The following RGS22 variants were observed in gnomAD, a reference collection of about 807,000 sequenced individuals.
RGS22 encodes regulator of G protein signaling 22.
Under a neutral mutation model 172.9 loss-of-function variants are expected in RGS22, and 148 were observed. That is an observed-to-expected ratio of 0.86 (90% CI 0.75 to 0.98). RGS22 has a LOEUF of 0.98. Among genes scored for constraint, RGS22 ranks in the 50% least tolerant of loss-of-function variants. The pLI, the probability that RGS22 is intolerant of heterozygous loss-of-function variation, is 0.00. For synonymous variants in RGS22, 458 were observed against 480.2 expected (o/e 0.95, Z 0.60); for missense variants, 1,347 against 1,440.8 (o/e 0.93, Z 1.05).
At chr8:99,976,835 T>C (rs1201691747) in intron 23 of RGS22, among the ~76,000 whole-genome samples, 1 of 152,246 alleles carries the variant, frequency 6.6e-6, no homozygotes, top group Non-Finnish European at 1.5e-5. Context: ...AGTGTTTATT[T>C]TGGCCTGCAC....
intron 14 of RGS22, among the ~76,000 whole-genome samples, chr8:100,033,641 T>C (rs117043553): frequency 0.011 from 1,702 of 149,480 alleles, 14 homozygotes; most frequent in Middle Eastern, 0.021. Flanking sequence ...TTCCAAACAA[T>C]AGAAACAGAG....
At chr8:100,039,757 A>G (rs1032965493) in intron 13 of RGS22, among the ~76,000 whole-genome samples, 5 of 151,978 alleles carry the variant, frequency 3.3e-5, no homozygotes, top group South Asian at 2.1e-4. Context: ...TGTTGCCACT[A>G]TTCAATGTAA....
At chr8:99,974,261 A>G (rs1811681002) in intron 23 of RGS22, among the ~76,000 whole-genome samples, 1 of 152,134 alleles carries the variant, frequency 6.6e-6, no homozygotes, top group Admixed American at 6.5e-5. Context: ...GTAACCCAAA[A>G]GTTTGGTGAT....
intron 10 of RGS22, among the ~76,000 whole-genome samples, chr8:100,047,968 G>T (rs887098812): frequency 7.9e-5 from 12 of 151,926 alleles, no homozygotes; most frequent in African/African-American, 2.9e-4. Context: ...GTACTGGGGG[G>T]GGGTGCGGGT....
intron 6 of RGS22, 119 bp downstream of exon 6, chr8:100,071,250 T>C: frequency 2.3e-6 from 2 of 852,136 alleles, no homozygotes; most frequent in East Asian, 5.9e-5. Context: ...ATCATATCAC[T>C]GCACTCCAGC....
At chr8:100,095,164 C>G (rs1001967040) in intron 2 of RGS22, among the ~76,000 whole-genome samples, 9 of 152,106 alleles carry the variant, frequency 5.9e-5, no homozygotes, top group African/African-American at 2.2e-4. Flanking sequence ...AATGAACTAT[C>G]TGAGATGAGA....
intron 22 of RGS22, among the ~76,000 whole-genome samples, chr8:99,981,673 C>A (rs966630300): frequency 1.3e-5 from 2 of 150,462 alleles, no homozygotes; most frequent in Admixed American, 6.6e-5. Context: ...GAATAACGTA[C>A]AAGCTTTAAA....
Position 99,987,522 on chromosome 8 carries a change from A to G in RGS22, c.3116T>C (p.Val1039Ala), listed in dbSNP as rs1813231033. The change falls in exon 21 of 28, where the codon GTG (valine) becomes GCG (alanine). Residue 1039 changes from valine to alanine, a missense_variant. Physicochemically the swap from Val to Ala is moderately conservative, Grantham distance 64 (BLOSUM62 0). Coordinates refer to ENST00000360863, the MANE Select transcript of RGS22 (RefSeq NM_015668.5). ...PVTSRQFQRF[V>A]ALKGDLLENG... ...TTCCAATAAATCTCCTTTTAGAGCC[A>G]CAAAACGTTGAAATTGTCTTGAAGT... 5 of 1,612,136 alleles carry G rather than the reference A, an allele frequency of 3.1e-6. No individual in the cohort carries two copies. In the East Asian group the frequency reaches 1.1e-4, roughly 36 times the overall value.
intron 23 of RGS22, among the ~76,000 whole-genome samples, chr8:99,972,080 C>T (rs1299284812): frequency 6.6e-6 from 1 of 152,092 alleles, no homozygotes; most frequent in Non-Finnish European, 1.5e-5. Flanking sequence ...GAACAGAGGC[C>T]TCAGAAATAA....
Position 99,962,927 on chromosome 8 carries a change from G to A in RGS22, c.3667C>T (p.Leu1223Phe), listed in dbSNP as rs770280436. The A allele has an allele frequency of 6.2e-7, 1 of 1,600,822 alleles. No individual in the cohort carries two copies. Among genetic ancestry groups the A allele is most frequent in the Middle Eastern group, 1.7e-4 (1 of 5,870 alleles). Residue 1223 changes from leucine (L) to phenylalanine (F), a missense_variant, in exon 25 of 28, where the codon CTT (leucine) becomes TTT (phenylalanine). Leu to Phe is a conservative substitution (Grantham distance 22, BLOSUM62 0). Transcript: ENST00000360863. ...YIEALEQERI[L>F]LKIQEELEKK... ...TCTAGTTCTTCTTGGATCTTAAGAA[G>A]AATTCTCTCCTGTTCTAAGGCTTCT... is the stretch of plus-strand genomic sequence containing the variant.
chr8:100,105,270 T>C, intron 2 of RGS22, 104 bp downstream of exon 2: 2 of 915,960 alleles, frequency 2.2e-6, no homozygotes, highest in East Asian at 2.4e-5. Flanking sequence ...ACCAAAACTC[T>C]GGCAAAAAGG....
intron 13 of RGS22, among the ~76,000 whole-genome samples, chr8:100,039,367 C>T (rs1034136362): frequency 7.4e-6 from 1 of 134,884 alleles, no homozygotes; most frequent in African/African-American, 2.8e-5. Context: ...AGTAATTGAA[C>T]CAGTTAAATA....
chr8:99,965,245 T>C (rs2131083842), intron 24 of RGS22, 90 bp downstream of exon 24: 1 of 800,144 alleles, frequency 1.2e-6, no homozygotes, highest in East Asian at 2.6e-5. Flanking sequence ...AACAAACACA[T>C]TTCTAGTACT....
chr8:100,103,791 C>A (rs981101011), intron 2 of RGS22, among the ~76,000 whole-genome samples: 4 of 152,154 alleles, frequency 2.6e-5, no homozygotes, highest in Admixed American at 2.6e-4. Context: ...AACTCGGAGA[C>A]AGTGAAACCA....
chr8:100,068,260 C>T (rs1810681878), intron 6 of RGS22, among the ~76,000 whole-genome samples: 1 of 152,014 alleles, frequency 6.6e-6, no homozygotes, highest in Non-Finnish European at 1.5e-5. Flanking sequence ...TGGTGATGCA[C>T]TCTTGTAGTC....
chr8:99,987,492 C>A lies in RGS22; in HGVS notation c.3146G>T (p.Gly1049Val). The change falls in exon 21 of 28, where the codon GGT (glycine) becomes GTT (valine). Residue 1049 changes from glycine (G) to valine (V), a missense_variant. By Grantham distance (109) the Gly-to-Val change is moderately radical. Coordinates refer to ENST00000360863, the MANE Select transcript of RGS22 (RefSeq NM_015668.5). ...VALKGDLLEN[G>V]LLFWQEVQKY... The stretch of plus-strand genomic sequence containing the variant: ...TTGTACTTCTTGCCAAAAGAGTAAA[C>A]CATTTTCCAATAAATCTCCTTTTAG... 1 of 1,611,138 alleles carries A rather than the reference C, an allele frequency of 6.2e-7. No homozygotes were observed. The highest frequency in any genetic ancestry group is 8.5e-7 in the Non-Finnish European group (1 of 1,178,378).
chr8:100,087,629 GTTAAT>G (rs1379893115), intron 3 of RGS22, among the ~76,000 whole-genome samples: 1 of 152,080 alleles, frequency 6.6e-6, no homozygotes, highest in African/African-American at 2.4e-5. Context: ...TAATGACTAG[GTTAAT>G]TTAATACATG....
At chr8:100,100,553 G>C (rs1813392347) in intron 2 of RGS22, among the ~76,000 whole-genome samples, 1 of 152,180 alleles carries the variant, frequency 6.6e-6, no homozygotes, top group African/African-American at 2.4e-5. Context: ...GCCTCCCAAA[G>C]TGCTGGGGTT....
chr8:100,016,313 G>T (rs1382245304), intron 14 of RGS22, among the ~76,000 whole-genome samples: 1 of 151,664 alleles, frequency 6.6e-6, no homozygotes, highest in Non-Finnish European at 1.5e-5. Flanking sequence ...CAGAGGGGAG[G>T]AAAAAAGAAA....
Sources: gnomAD v4.1 joint callset for allele counts (sites outside exome capture counted in the v4.1 genomes callset) on GRCh38, gnomAD v4.1.1 for gene constraint, MANE v1.5 for transcripts, NCBI Gene and HGNC (gene_info 2026-07-23, HGNC 2026-07-21) for gene names.